The following GALNTL6 variants were observed in gnomAD, a reference collection of about 807,000 sequenced individuals.
The protein encoded by GALNTL6 is polypeptide N-acetylgalactosaminyltransferase-like 6.
Under a neutral mutation model 73.7 loss-of-function variants are expected in GALNTL6, and 46 were observed. The observed-to-expected ratio is 0.62, with a 90% CI of 0.49 to 0.80. The LOEUF is 0.80. GALNTL6 is among the 30% of genes least tolerant of loss of function. The pLI is 0.00. For synonymous variants in GALNTL6, 259 were observed against 263.7 expected, an observed-to-expected ratio of 0.98 and a Z score of 0.17; for missense variants, 604 against 755.0, an observed-to-expected ratio of 0.80 and a Z score of 2.34.
chr4:172,380,251 A>T (rs1455660048), intron 5 of GALNTL6: 12 of 880,144 alleles, frequency 1.4e-5, no homozygotes, highest in Non-Finnish European at 2.3e-5. Flanking sequence ...ACTTGTCTAC[A>T]TTAGGATGAC....
In GALNTL6 at chr4:172,745,446, T is replaced by TATATATATATATATATATATATACACAC. The variant is rs34523518; in HGVS notation, c.554-63914_554-63913insTATATATATATATATATATATACACACA. Among the ~76,000 whole-genome samples the TATATATATATATATATATATATACACAC allele has an allele frequency of 1.3e-3, 188 of 145,280 alleles. 5 individuals carry two copies. The highest frequency in any genetic ancestry group is 4.6e-3 in the African/African-American group (174 of 38,060). The stretch of plus-strand genomic sequence containing the variant: ...TTTTCAAAACATATATATATATATG[T>TATATATATATATATATATATATACACAC]ACACATAACTTTTATAATTAGAAAA... On this transcript the variant is annotated intron_variant, in intron 5 of 12. Coordinates refer to ENST00000506823, the MANE Select transcript of GALNTL6 (RefSeq NM_001034845.3).
intron 7 of GALNTL6, among the ~76,000 whole-genome samples, chr4:172,831,074 C>A (rs1742602204): frequency 7.8e-6 from 1 of 128,422 alleles, no homozygotes; most frequent in Admixed American, 9.0e-5. Context: ...CAAGAGAAAG[C>A]TTGAACCCAG....
rs139525594 is a variant in GALNTL6 at position 172,284,638 on chromosome 4, T to C, written c.248-26976T>C. On this transcript the variant is annotated intron_variant, in intron 3 of 12. Transcript: ENST00000506823. ...TTTTTAGGTCTTACACTTAAGTCTTTCATCCATTTTGTGTTGATTTTTGTG... is the reference window on the plus strand; with the variant it reads ...TTTTTAGGTCTTACACTTAAGTCTTCCATCCATTTTGTGTTGATTTTTGTG... Among the ~76,000 whole-genome samples, 31 of 152,306 alleles carry C rather than the reference T, an allele frequency of 2.0e-4. No individual in the cohort carries two copies. The East Asian group carries it at 2.7e-3, about 13-fold the overall frequency.
rs568011861 is a variant in GALNTL6 at position 172,810,598 on chromosome 4, C to CG, written c.739+1059dup. 1.2e-3 allele frequency among the ~76,000 whole-genome samples: 183 copies of CG among 151,882 alleles called. 1 individual carries two copies. Among genetic ancestry groups the CG allele is most frequent in the African/African-American group, 3.7e-3 (155 of 41,434 alleles). On this transcript the variant is annotated intron_variant, in intron 6 of 12. Transcript: ENST00000506823. ...AGCTCCCTTAGTAAAAGATGTGAGGCGGGGGGGCGGGGAAATCAATTGAAA... is the reference window on the plus strand; with the variant it reads ...AGCTCCCTTAGTAAAAGATGTGAGGCGGGGGGGGCGGGGAAATCAATTGAAA...
At chr4:172,769,870 T>A (rs914193605) in intron 5 of GALNTL6, among the ~76,000 whole-genome samples, 2 of 152,238 alleles carry the variant, frequency 1.3e-5, no homozygotes, top group Non-Finnish European at 2.9e-5. Context: ...AATCCCAACT[T>A]TTCTCTTACA....
chr4:171,939,844 G>A (rs1365816237), intron 2 of GALNTL6, among the ~76,000 whole-genome samples: 2 of 151,876 alleles, frequency 1.3e-5, no homozygotes, highest in Non-Finnish European at 2.9e-5. Context: ...AATCTAAATG[G>A]GATACAAGTT....
intron 5 of GALNTL6, among the ~76,000 whole-genome samples, chr4:172,706,983 G>A (rs1189407063): frequency 1.3e-5 from 2 of 152,090 alleles, no homozygotes; most frequent in Non-Finnish European, 2.9e-5. Context: ...TATGGGTTGG[G>A]GCAGGAATGG....
At chr4:172,557,094 G>C (rs1736174698) in intron 5 of GALNTL6, among the ~76,000 whole-genome samples, 1 of 152,114 alleles carries the variant, frequency 6.6e-6, no homozygotes, top group African/African-American at 2.4e-5. Flanking sequence ...AAAAACTTAT[G>C]TAACCCTTTC....
chr4:172,395,583 A>G lies in GALNTL6; in HGVS notation c.553+46894A>G, dbSNP rs765822410. On this transcript the variant is annotated intron_variant, in intron 5 of 12. Transcript: ENST00000506823. ...TTAGATGTTTTTCCTAAAATAAAAT[A>G]TATTCTGAGATATCAGACCTTTGAC... Among the ~76,000 whole-genome samples the G allele has an allele frequency of 1.1e-4, 16 of 152,118 alleles. 1 individual carries two copies. The highest frequency in any genetic ancestry group is 1.6e-4 in the Non-Finnish European group (11 of 68,024).
intron 5 of GALNTL6, among the ~76,000 whole-genome samples, chr4:172,569,958 A>G (rs1022837296): frequency 6.6e-6 from 1 of 152,214 alleles, no homozygotes; most frequent in African/African-American, 2.4e-5. Context: ...TGTGAATAAT[A>G]TAGTACCAGG....
At chr4:172,793,208 T>C (rs1296615328) in intron 5 of GALNTL6, among the ~76,000 whole-genome samples, 4 of 152,220 alleles carry the variant, frequency 2.6e-5, no homozygotes, top group Non-Finnish European at 4.4e-5. Flanking sequence ...TATTAACTAA[T>C]GTTTTAATCA....
At chr4:172,925,175 GTTTT>G (rs199993886) in intron 8 of GALNTL6, among the ~76,000 whole-genome samples, 134 of 137,424 alleles carry the variant, frequency 9.8e-4, no homozygotes, top group African/African-American at 3.4e-3. Context: ...CCAGGCTTAT[GTTTT>G]TTTTTTTTTT....
At chr4:172,234,583 A>G (rs1295940826) in intron 3 of GALNTL6, among the ~76,000 whole-genome samples, 2 of 152,154 alleles carry the variant, frequency 1.3e-5, no homozygotes, top group Admixed American at 1.3e-4. Context: ...ACATAGATAA[A>G]TGTTCTCCTT....
At chr4:172,198,355 C>A (rs1459677470) in intron 2 of GALNTL6, among the ~76,000 whole-genome samples, 6 of 150,818 alleles carry the variant, frequency 4.0e-5, no homozygotes, top group Non-Finnish European at 8.8e-5. Flanking sequence ...ATTTTGCAAT[C>A]TATTTATCTG....
intron 5 of GALNTL6, among the ~76,000 whole-genome samples, chr4:172,567,795 C>T (rs1054772553): frequency 3.3e-5 from 5 of 152,054 alleles, no homozygotes; most frequent in Admixed American, 2.0e-4. Flanking sequence ...AAGATAGTGC[C>T]ACTTCACTCT....
At chr4:172,513,893 G>A (rs1466682076) in intron 5 of GALNTL6, among the ~76,000 whole-genome samples, 2 of 152,204 alleles carry the variant, frequency 1.3e-5, no homozygotes, top group East Asian at 1.9e-4. Context: ...TGCTGGTTGT[G>A]CTGGCAGTAA....
rs150833209 is a variant in GALNTL6, at chr4:172,059,380, G to A, written c.139-170276G>A. Among the ~76,000 whole-genome samples, 815 of 152,202 alleles carry A rather than the reference G, an allele frequency of 5.4e-3. 7 individuals are homozygous for A. The highest frequency in any genetic ancestry group is 0.018 in the African/African-American group (744 of 41,530). ...AGAAGACATCATATTTCTATCTGCC[G>A]AGGGCTATGTGCTCATACTCGACAT... On this transcript the variant is annotated intron_variant, in intron 2 of 12. Transcript: ENST00000506823.
At chr4:172,927,091 G>C (rs945976427) in intron 8 of GALNTL6, among the ~76,000 whole-genome samples, 1 of 152,138 alleles carries the variant, frequency 6.6e-6, no homozygotes, top group African/African-American at 2.4e-5. Context: ...TCTACCATCT[G>C]CTAGGGCCTC....
chr4:171,916,324 C>T (rs1276426769), intron 2 of GALNTL6, among the ~76,000 whole-genome samples: 1 of 151,958 alleles, frequency 6.6e-6, no homozygotes, highest in African/African-American at 2.4e-5. Context: ...ATAGAAGCTG[C>T]CATATTTTTT....
Sources: gnomAD v4.1 joint callset for allele counts (sites outside exome capture counted in the v4.1 genomes callset) on GRCh38, gnomAD v4.1.1 for gene constraint, MANE v1.5 for transcripts, NCBI Gene and HGNC (gene_info 2026-07-23, HGNC 2026-07-21) for gene names.